The following RFTN1 variants were observed in gnomAD, a reference collection of about 807,000 sequenced individuals.
RFTN1 encodes raftlin, lipid raft linker 1, also known as raftlin.
RFTN1 carries 26 observed loss-of-function variants against 46.5 expected under a neutral mutation model. That is an observed-to-expected ratio of 0.56 (90% CI 0.41 to 0.78). The LOEUF is 0.78. RFTN1 is among the 30% of genes least tolerant of loss of function. The pLI, the probability that RFTN1 is intolerant of heterozygous loss-of-function variation, is 0.00. For missense variants in RFTN1, 693 were observed against 718.7 expected (o/e 0.96, Z 0.41); for synonymous variants, 261 against 284.2 (o/e 0.92, Z 0.82).
chr3:16,389,850 T>C (rs2074304698), intron 4 of RFTN1, among the ~76,000 whole-genome samples: 1 of 152,198 alleles, frequency 6.6e-6, no homozygotes, highest in Non-Finnish European at 1.5e-5. Context: ...CCTCAACCAA[T>C]GAGTAGGTGA....
Position 16,316,739 on chromosome 3 carries a change from ACAC to A in RFTN1, c.*86_*88del. ...CAAGCCAAAGGGTAGGTAACACACA[ACAC>A]CAGGGAAACCAGCCCCCAAACCAGC... On this transcript the variant is annotated 3_prime_UTR_variant, in exon 10 of 10. Transcript: ENST00000334133. This position sits in a 1 kb window ranked among gnomAD's most constrained non-coding sequence, Gnocchi z 4.5. 3.3e-6 allele frequency: 5 copies of A among 1,520,222 alleles called. No homozygotes were observed. The highest frequency in any genetic ancestry group is 4.5e-6 in the Non-Finnish European group (5 of 1,099,176). The allele number at this position is 1,520,222 out of a possible 1,614,324, so 94.2% of individuals were successfully genotyped here.
At chr3:16,482,738 A>C (rs2076387889) in intron 2 of RFTN1, 1 of 1,528,242 alleles carries the variant, frequency 6.5e-7, no homozygotes, top group Admixed American at 2.0e-5. Context: ...CAATGATTAT[A>C]TCAATACCAG....
Position 16,400,576 on chromosome 3 carries a change from G to A in RFTN1, c.441+8799C>T, listed in dbSNP as rs2074576174. The stretch of plus-strand genomic sequence containing the variant: ...CCAGCAAAGATCTGTTCAAAGAAAT[G>A]TGAACGAAACCTGACCCACTGATGC... On this transcript the variant is annotated intron_variant, in intron 4 of 9. Transcript: ENST00000334133. This position sits in a 1 kb window ranked among gnomAD's most constrained non-coding sequence, Gnocchi z 4.5. Among the ~76,000 whole-genome samples, 1 of 152,246 alleles carries A rather than the reference G, an allele frequency of 6.6e-6. No homozygotes were observed. The highest frequency in any genetic ancestry group is 1.5e-5 in the Non-Finnish European group (1 of 68,044).
At chr3:16,416,102 C>T (rs2075075035) in intron 3 of RFTN1, 3 of 365,706 alleles carry the variant, frequency 8.2e-6, no homozygotes, top group Non-Finnish European at 1.7e-5. Context: ...TCTTGGGACC[C>T]CCCACTTACA....
At chr3:16,497,584 A>G (rs1374989976) in intron 1 of RFTN1, among the ~76,000 whole-genome samples, 2 of 152,166 alleles carry the variant, frequency 1.3e-5, no homozygotes, top group Non-Finnish European at 2.9e-5. Context: ...TCTCATGCCC[A>G]CCCTGCTGCA....
In RFTN1 at chr3:16,385,587, G is replaced by A. The variant is rs956179095; in HGVS notation, c.442-7485C>T. Among the ~76,000 whole-genome samples, 1 of 152,122 alleles carries A rather than the reference G, an allele frequency of 6.6e-6. No homozygotes were observed. Among genetic ancestry groups the A allele is most frequent in the African/African-American group, 2.4e-5 (1 of 41,426 alleles). ...TCAGTTTCTTAATCTATAAAATGAA[G>A]ATACTAATATTCATTTATTCATTCC... On this transcript the variant is annotated intron_variant, in intron 4 of 9. Transcript: ENST00000334133. This position sits in a 1 kb window ranked among gnomAD's most constrained non-coding sequence, Gnocchi z 5.0.
intron 4 of RFTN1, among the ~76,000 whole-genome samples, chr3:16,403,804 A>AATATATAATATATTTTATATATATT (rs2074695463): frequency 1.3e-4 from 1 of 7,844 alleles, no homozygotes; most frequent in African/African-American, 6.6e-4. Flanking sequence ...TATAATATAT[A>AATATATAATATATTTTATATATATT]TTATATATTT....
At position 16,317,262 on chromosome 3, in the gene RFTN1, A is replaced by T. The variant is rs200705286; in HGVS notation, c.1333-30T>A. 189 of 1,605,226 alleles carry T rather than the reference A, an allele frequency of 1.2e-4. No homozygotes were observed. The highest frequency in any genetic ancestry group is 1.7e-4 in the Admixed American group (10 of 59,210). On this transcript the variant is annotated intron_variant, in intron 9 of 9. Coordinates refer to ENST00000334133, the MANE Select transcript of RFTN1 (RefSeq NM_015150.2). The surrounding 1 kb of genome is among the most constrained non-coding windows in gnomAD (Gnocchi z 4.3). ...AAATCAGAAAGGATGGGGATAAATA[A>T]CAAGCCTCCGGGAACCCAGAGCTTC...
Position 16,335,600 on chromosome 3 carries a change from G to T in RFTN1, c.1147-8724C>A, listed in dbSNP as rs1224242534. 2.0e-5 allele frequency among the ~76,000 whole-genome samples: 3 copies of T among 152,114 alleles called. No homozygotes were observed. Among genetic ancestry groups the T allele is most frequent in the Non-Finnish European group, 2.9e-5 (2 of 68,014 alleles). ...TGAAAACACATGGACACATGGTGGG[G>T]AGCAACACACACTGGGACCTGTTGG... On this transcript the variant is annotated intron_variant, in intron 7 of 9. Coordinates refer to ENST00000334133, the MANE Select transcript of RFTN1 (RefSeq NM_015150.2). The surrounding 1 kb of genome is among the most constrained non-coding windows in gnomAD (Gnocchi z 4.7).
chr3:16,396,837 C>A (rs1051792837), intron 4 of RFTN1, among the ~76,000 whole-genome samples: 1 of 152,122 alleles, frequency 6.6e-6, no homozygotes, highest in East Asian at 1.9e-4. Context: ...CTGAGGTGGG[C>A]GGATCACCTG....
chr3:16,368,533 T>C (rs921835919), intron 6 of RFTN1, among the ~76,000 whole-genome samples: 4 of 152,034 alleles, frequency 2.6e-5, no homozygotes, highest in African/African-American at 9.7e-5. Context: ...TTAGCCTGCG[T>C]GGTGGCGGGT....
chr3:16,409,324 C>T (rs2074933657), intron 4 of RFTN1, 51 bp downstream of exon 4: 1 of 1,255,258 alleles, frequency 8.0e-7, no homozygotes, highest in Non-Finnish European at 1.2e-6. Flanking sequence ...CCTGTTCACT[C>T]AGGGGAACAC....
In RFTN1 at chr3:16,317,073, G is replaced by C. The variant is rs200246402; in HGVS notation, c.1492C>G (p.Gln498Glu). 3 of 1,613,840 alleles carry C rather than the reference G, an allele frequency of 1.9e-6. No homozygotes were observed. The highest frequency in any genetic ancestry group is 2.5e-6 in the Non-Finnish European group (3 of 1,179,994). ...TCGGAGACTCCACCCTCCTGCTGCT[G>C]TCCTGAAACACAGTTTCCCATGTCT... is the stretch of plus-strand genomic sequence containing the variant. ...AGDMGNCVSG[Q>E]QQEGGVSEEM... The change falls in exon 10 of 10, where the codon CAG becomes GAG. Residue 498 changes from glutamine (Q) to glutamate (E), a missense_variant. Coordinates refer to ENST00000334133, the MANE Select transcript of RFTN1 (RefSeq NM_015150.2). The surrounding 1 kb of genome is among the most constrained non-coding windows in gnomAD (Gnocchi z 4.3).
rs1215573682 is a variant in RFTN1 at position 16,376,658 on chromosome 3, TAAG to T, written c.826+1057_826+1059del. Among the ~76,000 whole-genome samples the T allele has an allele frequency of 2.0e-5, 3 of 152,332 alleles. No individual in the cohort carries two copies. In the East Asian group the frequency reaches 5.8e-4, roughly 29 times the overall value. On this transcript the variant is annotated intron_variant, in intron 5 of 9. Transcript: ENST00000334133. This position sits in a 1 kb window ranked among gnomAD's most constrained non-coding sequence, Gnocchi z 4.7. ...TGAAGGGCTCTACTTCAGTGCATAC[TAAG>T]AAGGCTCAATGCCTTGATTAAACAA...
Position 16,440,696 on chromosome 3 carries a change from G to A in RFTN1, c.146-6659C>T, listed in dbSNP as rs1033060964. On this transcript the variant is annotated intron_variant, in intron 2 of 9. Transcript: ENST00000334133. The surrounding 1 kb of genome is among the most constrained non-coding windows in gnomAD (Gnocchi z 4.6). The stretch of plus-strand genomic sequence containing the variant: ...AGATGGTTACTGCTAATGGGGGGGG[G>A]GCCCAATGGTGCCAGAACTTCTAAC... Among the ~76,000 whole-genome samples the A allele has an allele frequency of 1.3e-5, 2 of 151,870 alleles. No individual in the cohort carries two copies. The highest frequency in any genetic ancestry group is 2.9e-5 in the Non-Finnish European group (2 of 67,972).
chr3:16,338,580 A>C lies in RFTN1; in HGVS notation c.1147-11704T>G, dbSNP rs969859775. ...ATAGCTTTGTTTGATAACAATTAAA[A>C]AAGAAACATTTTCTCCATCCAGAGA... On this transcript the variant is annotated intron_variant, in intron 7 of 9. Coordinates refer to ENST00000334133, the MANE Select transcript of RFTN1 (RefSeq NM_015150.2). The surrounding 1 kb of genome is among the most constrained non-coding windows in gnomAD (Gnocchi z 5.3). Among the ~76,000 whole-genome samples the C allele has an allele frequency of 2.0e-5, 3 of 152,226 alleles. No homozygotes were observed. The highest frequency in any genetic ancestry group is 7.2e-5 in the African/African-American group (3 of 41,452).
intron 7 of RFTN1, among the ~76,000 whole-genome samples, chr3:16,332,417 C>CTT (rs34563846): frequency 7.4e-5 from 11 of 148,550 alleles, no homozygotes; most frequent in East Asian, 2.0e-4. Flanking sequence ...TTGATTGCTT[C>CTT]TTTTTTTTTT....
At chr3:16,476,505 G>A (rs1007874605) in intron 2 of RFTN1, among the ~76,000 whole-genome samples, 2 of 152,196 alleles carry the variant, frequency 1.3e-5, no homozygotes, top group African/African-American at 4.8e-5. Context: ...GAGGTTGACA[G>A]TGAGTTGGGC....
intron 8 of RFTN1, among the ~76,000 whole-genome samples, chr3:16,325,982 C>T (rs2069648721): frequency 6.6e-6 from 1 of 152,226 alleles, no homozygotes; most frequent in Admixed American, 6.5e-5. Context: ...ATTCTGCAGA[C>T]TGAGGTTCTA....
Sources: allele counts gnomAD v4.1 joint callset (sites outside exome capture counted in the v4.1 genomes callset), GRCh38; gene constraint gnomAD v4.1.1; non-coding constraint Gnocchi (gnomAD v3.1); transcripts MANE v1.5; gene names NCBI Gene and HGNC (gene_info 2026-07-23, HGNC 2026-07-21).